SV2B: variants seen among roughly 807,000 people sequenced by gnomAD.
SV2B encodes solute carrier family 22 member B2.
Under a neutral mutation model 73.9 loss-of-function variants are expected in SV2B, and 41 were observed. The observed-to-expected ratio is 0.56, with a 90% CI of 0.43 to 0.72. The LOEUF is 0.72. Among genes scored for constraint, SV2B ranks in the 30% least tolerant of loss-of-function variants. The pLI is 0.00. For missense variants in SV2B, 764 were observed against 857.8 expected (o/e 0.89, Z 1.37); for synonymous variants, 314 against 314.2 (o/e 1.00, Z 0.01).
In SV2B at chr15:91,231,143, T is replaced by C. The variant is rs115163959; in HGVS notation, c.451+4429T>C. Among the ~76,000 whole-genome samples, 806 of 152,280 alleles carry C rather than the reference T, an allele frequency of 5.3e-3. 7 individuals carry two copies. The highest frequency in any genetic ancestry group is 0.018 in the African/African-American group (755 of 41,548). ...AAAAAAAAATCACCCGAAGAAATGA[T>C]TAAACTTAGGAAGCTCAGGGCTATG... On this transcript the variant is annotated intron_variant, in intron 2 of 12. Coordinates refer to ENST00000394232, the MANE Select transcript of SV2B (RefSeq NM_001323032.3). The surrounding 1 kb of genome is among the most constrained non-coding windows in gnomAD (Gnocchi z 4.5).
intron 1 of SV2B, among the ~76,000 whole-genome samples, chr15:91,104,236 T>C (rs868261841): frequency 2.6e-5 from 4 of 152,234 alleles, no homozygotes; most frequent in Non-Finnish European, 2.9e-5. Flanking sequence ...TCAGCTGTGC[T>C]TGCTCATGTG....
chr15:91,257,848 A>T (rs2047754198), intron 4 of SV2B, among the ~76,000 whole-genome samples: 1 of 151,964 alleles, frequency 6.6e-6, no homozygotes, highest in African/African-American at 2.4e-5. Context: ...ATTCCCATAG[A>T]CTCAAGAAAT....
upstream of SV2B, chr15:91,099,823 C>T (rs1450450259): frequency 6.6e-6 from 1 of 152,248 alleles, no homozygotes; most frequent in Non-Finnish European, 1.5e-5. Flanking sequence ...TCCTCTGACG[C>T]ATCCTAGTTC....
Position 91,288,019 on chromosome 15 carries a change from C to T in SV2B, c.1709-1502C>T, listed in dbSNP as rs570174031. Among the ~76,000 whole-genome samples, 1 of 152,224 alleles carries T rather than the reference C, an allele frequency of 6.6e-6. No homozygotes were observed. The highest frequency in any genetic ancestry group is 2.1e-4 in the South Asian group (1 of 4,816). ...CGGGGAGGAGTTGGGGAGGGGTACT[C>T]CAGCCACCTTCCCCTCCCAACTGAT... is the stretch of plus-strand genomic sequence containing the variant. On this transcript the variant is annotated intron_variant, in intron 11 of 12. Transcript: ENST00000394232. This position sits in a 1 kb window ranked among gnomAD's most constrained non-coding sequence, Gnocchi z 5.8.
rs761687424 is a variant in SV2B at position 91,267,685 on chromosome 15, C to T, written c.1208+42C>T. ...TTAAATTTCGTAATTCCCTGTGCCT[C>T]AGTGGCCTCCTTTACACATTGAGGA... is the stretch of plus-strand genomic sequence containing the variant. On this transcript the variant is annotated intron_variant, in intron 8 of 12. Coordinates refer to ENST00000394232, the MANE Select transcript of SV2B (RefSeq NM_001323032.3). This position sits in a 1 kb window ranked among gnomAD's most constrained non-coding sequence, Gnocchi z 4.3. The T allele has an allele frequency of 4.1e-6, 6 of 1,457,814 alleles. No homozygotes were observed. In the South Asian group the frequency reaches 5.9e-5, roughly 14 times the overall value. The allele number at this position is 1,457,814 out of a possible 1,614,324, so 90.3% of individuals were successfully genotyped here. A position where few individuals can be genotyped will look rare whatever the true frequency, so the allele number is the denominator to read the frequency against.
At chr15:91,164,846 T>C (rs1399358597) in intron 1 of SV2B, among the ~76,000 whole-genome samples, 1 of 152,230 alleles carries the variant, frequency 6.6e-6, no homozygotes, top group Non-Finnish European at 1.5e-5. Flanking sequence ...GCAAGACCAT[T>C]CAGGGGCACG....
At position 91,151,787 on chromosome 15, in the gene SV2B, G is replaced by A. The variant is rs578068579; in HGVS notation, c.-392+51424G>A. On this transcript the variant is annotated intron_variant, in intron 1 of 12. Transcript: ENST00000394232. The stretch of plus-strand genomic sequence containing the variant: ...GGCTGGAAATCAAAGCTGCTTCTCT[G>A]TGTCAAAGTGACTTAGGTCTTCCAG... Among the ~76,000 whole-genome samples, 21 of 152,276 alleles carry A rather than the reference G, an allele frequency of 1.4e-4. No homozygotes were observed. The South Asian group carries it at 4.4e-3, about 32-fold the overall frequency.
At chr15:91,188,749 A>G (rs554040443) in intron 1 of SV2B, among the ~76,000 whole-genome samples, 1 of 152,218 alleles carries the variant, frequency 6.6e-6, no homozygotes, top group South Asian at 2.1e-4. Flanking sequence ...TTTCTTTATT[A>G]TTGTTCTCAT....
Position 91,130,734 on chromosome 15 carries a change from G to C in SV2B, c.-392+30371G>C, listed in dbSNP as rs1299734525. Among the ~76,000 whole-genome samples the C allele has an allele frequency of 6.6e-6, 1 of 152,202 alleles. No homozygotes were observed. The highest frequency in any genetic ancestry group is 1.5e-5 in the Non-Finnish European group (1 of 68,042). ...GCTGCAGTCCTGGGGGCAAAGAGGG[G>C]AGTGTGTGGCGGTGCACGGTTCAGT... On this transcript the variant is annotated intron_variant, in intron 1 of 12. Coordinates refer to ENST00000394232, the MANE Select transcript of SV2B (RefSeq NM_001323032.3). This position sits in a 1 kb window ranked among gnomAD's most constrained non-coding sequence, Gnocchi z 5.6.
rs1481782984 is a variant in SV2B at position 91,297,969 on chromosome 15, A to C, written c.*5417A>C. On this transcript the variant is annotated 3_prime_UTR_variant, in exon 13 of 13. Transcript: ENST00000394232. The surrounding 1 kb of genome is among the most constrained non-coding windows in gnomAD (Gnocchi z 5.1). ...CACCTGGTGAAGATTTTCATAGACAAATATGCTTGTGGCATCCTGTAATTC... is the reference window on the plus strand; with the variant it reads ...CACCTGGTGAAGATTTTCATAGACACATATGCTTGTGGCATCCTGTAATTC... 6.6e-6 allele frequency: 1 copy of C among 152,188 alleles called. No individual in the cohort carries two copies. Among genetic ancestry groups the C allele is most frequent in the African/African-American group, 2.4e-5 (1 of 41,426 alleles). The allele number at this position is 152,188 out of a possible 1,614,324, so 9.4% of individuals were successfully genotyped here.
intron 1 of SV2B, among the ~76,000 whole-genome samples, chr15:91,125,213 C>G (rs1176465893): frequency 1.3e-5 from 2 of 152,162 alleles, no homozygotes; most frequent in African/African-American, 4.8e-5. Flanking sequence ...TTTTGAAAGG[C>G]TTTATCCAAA....
chr15:91,152,215 G>T (rs1014114094), intron 1 of SV2B, among the ~76,000 whole-genome samples: 3 of 152,100 alleles, frequency 2.0e-5, no homozygotes, highest in Admixed American at 6.5e-5. Flanking sequence ...CTCTTTGCGA[G>T]AGAATGAGTC....
Position 91,281,648 on chromosome 15 carries a change from G to T in SV2B, c.1374-80G>T, listed in dbSNP as rs993266521. ...TTTTGCTTGCACATCTCCTTTTTCT[G>T]CCTTGCTGTGTTTTCCATTTTGGTC... On this transcript the variant is annotated intron_variant, in intron 9 of 12. Coordinates refer to ENST00000394232, the MANE Select transcript of SV2B (RefSeq NM_001323032.3). The surrounding 1 kb of genome is among the most constrained non-coding windows in gnomAD (Gnocchi z 4.7). The T allele has an allele frequency of 7.4e-6, 11 of 1,482,134 alleles. No individual in the cohort carries two copies. The highest frequency in any genetic ancestry group is 1.9e-4 in the Middle Eastern group (1 of 5,170). The allele number at this position is 1,482,134 out of a possible 1,614,324, so 91.8% of individuals were successfully genotyped here.
rs954937224 is a variant in SV2B, at chr15:91,179,721, C to A, written c.-391-46152C>A. On this transcript the variant is annotated intron_variant, in intron 1 of 12. Coordinates refer to ENST00000394232, the MANE Select transcript of SV2B (RefSeq NM_001323032.3). The stretch of plus-strand genomic sequence containing the variant: ...TCAGAGACTAAGATTGCAACCCCTG[C>A]CTTTTTTGTTTTCCATTTGCTTGGT... 4.6e-5 allele frequency among the ~76,000 whole-genome samples: 7 copies of A among 152,122 alleles called. No homozygotes were observed. In the South Asian group the frequency reaches 6.2e-4, roughly 14 times the overall value.
chr15:91,275,604 T>C (rs2048459694), intron 9 of SV2B, among the ~76,000 whole-genome samples: 1 of 152,158 alleles, frequency 6.6e-6, no homozygotes, highest in Non-Finnish European at 1.5e-5. Context: ...GTGGGCGGAA[T>C]GCCTGAGCTC....
intron 1 of SV2B, among the ~76,000 whole-genome samples, chr15:91,103,615 T>C (rs1198754864): frequency 6.6e-6 from 1 of 152,202 alleles, no homozygotes; most frequent in Non-Finnish European, 1.5e-5. Flanking sequence ...AGAGAAAACA[T>C]GGTTTGGGCA....
In SV2B at chr15:91,226,091, GA is replaced by G. The variant is rs1479601288; in HGVS notation, c.-172del. 1.2e-5 allele frequency: 8 copies of G among 642,986 alleles called. No homozygotes were observed. Among genetic ancestry groups the G allele is most frequent in the African/African-American group, 5.5e-5 (3 of 54,468 alleles). 39.8% of individuals were successfully genotyped at this position (642,986 alleles called of 1,614,324 possible). A position where few individuals can be genotyped will look rare whatever the true frequency, so the allele number is the denominator to read the frequency against. On this transcript the variant is annotated 5_prime_UTR_variant, in exon 2 of 13. Coordinates refer to ENST00000394232, the MANE Select transcript of SV2B (RefSeq NM_001323032.3). ...AGGTTGTCTTTGCACAAATCTGGTT[GA>G]TTTGAGAGATAAAGGGGGGGGGAAC...
At chr15:91,133,452 A>G (rs2042718817) in intron 1 of SV2B, among the ~76,000 whole-genome samples, 1 of 151,928 alleles carries the variant, frequency 6.6e-6, no homozygotes, top group Admixed American at 6.5e-5. Context: ...GAATTGACAA[A>G]TTCTAATGAT....
chr15:91,101,109 G>A (rs961164406), intron 1 of SV2B, among the ~76,000 whole-genome samples: 2 of 152,166 alleles, frequency 1.3e-5, no homozygotes, highest in Non-Finnish European at 2.9e-5. Flanking sequence ...GTAACTTAAC[G>A]TTGGTGTCTT....
Sources: allele counts gnomAD v4.1 joint callset (sites outside exome capture counted in the v4.1 genomes callset), GRCh38; gene constraint gnomAD v4.1.1; non-coding constraint Gnocchi (gnomAD v3.1); transcripts MANE v1.5; gene names NCBI Gene and HGNC (gene_info 2026-07-23, HGNC 2026-07-21).